The following SPRED1 variants were observed in gnomAD, a reference collection of about 807,000 sequenced individuals.
SPRED1 encodes the protein sprouty related EVH1 domain containing 1.
In SPRED1, 18 loss-of-function variants were observed where a neutral mutation model predicts 52.3. The ratio of observed to expected loss-of-function variants is 0.34; its 90% confidence interval spans 0.24 to 0.51. The LOEUF is 0.51. SPRED1 is among the 20% of genes least tolerant of loss of function. SPRED1 has a pLI of 0.97. For missense variants in SPRED1, 485 were observed against 551.0 expected, an observed-to-expected ratio of 0.88 and a Z score of 1.20; for synonymous variants, 155 against 179.7, an observed-to-expected ratio of 0.86 and a Z score of 1.10.
intron 4 of SPRED1, among the ~76,000 whole-genome samples, chr15:38,332,218 G>A (rs550890501): frequency 6.6e-6 from 1 of 152,236 alleles, no homozygotes; most frequent in South Asian, 2.1e-4. Context: ...ATTCCATGGG[G>A]GTAGGATTAT....
chr15:38,331,727 C>T (rs1895811247), intron 4 of SPRED1, among the ~76,000 whole-genome samples: 1 of 151,910 alleles, frequency 6.6e-6, no homozygotes, highest in South Asian at 2.1e-4. Context: ...AGCAGTAAGG[C>T]CCAGTGTGGG....
At chr15:38,307,479 C>T in intron 2 of SPRED1, among the ~76,000 whole-genome samples, 1 of 152,128 alleles carries the variant, frequency 6.6e-6, no homozygotes, top group East Asian at 1.9e-4. Flanking sequence ...GTGTTTCTTC[C>T]TCTTATAAAA....
At chr15:38,342,439 CAGTT>C (rs373812751) in intron 5 of SPRED1, among the ~76,000 whole-genome samples, 57 of 152,092 alleles carry the variant, frequency 3.7e-4, no homozygotes, top group African/African-American at 1.2e-3. Context: ...CTATTTTAAA[CAGTT>C]AGCATTCATT....
chr15:38,278,307 C>A (rs535433158), intron 1 of SPRED1, among the ~76,000 whole-genome samples: 1 of 152,196 alleles, frequency 6.6e-6, no homozygotes, highest in Admixed American at 6.5e-5. Flanking sequence ...TAAGATGAAA[C>A]CCTGTCTCTA....
intron 3 of SPRED1, 98 bp downstream of exon 3, chr15:38,322,507 C>T: frequency 1.6e-6 from 2 of 1,253,214 alleles, no homozygotes; most frequent in Non-Finnish European, 2.3e-6. Context: ...CACACTTTAA[C>T]CATGTCAGCT....
At chr15:38,346,864 A>G (rs1049794011) in intron 5 of SPRED1, among the ~76,000 whole-genome samples, 4 of 152,188 alleles carry the variant, frequency 2.6e-5, no homozygotes, top group Admixed American at 2.0e-4. Context: ...TGAGTATTTG[A>G]AAGACTTCGG....
chr15:38,279,612 G>A (rs1165611965), intron 1 of SPRED1, among the ~76,000 whole-genome samples: 1 of 152,182 alleles, frequency 6.6e-6, no homozygotes. Flanking sequence ...TACCAGTTAT[G>A]TGGTTCTGGA....
chr15:38,347,889 T>A lies in SPRED1; in HGVS notation c.583-1533T>A, dbSNP rs1896175141. Among the ~76,000 whole-genome samples the A allele has an allele frequency of 2.0e-5, 3 of 152,030 alleles. No individual in the cohort carries two copies. In the South Asian group the frequency reaches 6.2e-4, roughly 32 times the overall value. On this transcript the variant is annotated intron_variant, in intron 5 of 6. Transcript: ENST00000299084. ...ATTAAAAAGCAGAAATTAATTGGGGTGTATCTTATCACATCTGTTTTTAGT... is the reference window on the plus strand; with the variant it reads ...ATTAAAAAGCAGAAATTAATTGGGGAGTATCTTATCACATCTGTTTTTAGT...
At chr15:38,310,490 C>T (rs1895345293) in intron 2 of SPRED1, among the ~76,000 whole-genome samples, 1 of 152,084 alleles carries the variant, frequency 6.6e-6, no homozygotes, top group African/African-American at 2.4e-5. Flanking sequence ...TTACTGAAAC[C>T]TTACTGGGGT....
chr15:38,325,873 C>A (rs1433569694), intron 4 of SPRED1: 1 of 151,942 alleles, frequency 6.6e-6, no homozygotes, highest in African/African-American at 2.4e-5. Context: ...AATTCCTGGT[C>A]AACAGGAATT....
At chr15:38,338,747 G>A (rs1038530837) in intron 4 of SPRED1, among the ~76,000 whole-genome samples, 1 of 152,052 alleles carries the variant, frequency 6.6e-6, no homozygotes, top group Non-Finnish European at 1.5e-5. Flanking sequence ...GAAATTGAAT[G>A]CCAAAGGAAT....
intron 2 of SPRED1, among the ~76,000 whole-genome samples, chr15:38,312,408 C>T (rs1051870221): frequency 9.9e-5 from 15 of 152,154 alleles, no homozygotes; most frequent in African/African-American, 1.7e-4. Context: ...AGCCTGTGCC[C>T]GATTGTTTTT....
chr15:38,328,724 TTTTG>T (rs1895756614), intron 4 of SPRED1, among the ~76,000 whole-genome samples: 2 of 152,176 alleles, frequency 1.3e-5, no homozygotes, highest in African/African-American at 2.4e-5. Context: ...CTTTTGGTTT[TTTTG>T]TTTGTTTTTG....
chr15:38,321,933 A>G (rs2085933322), intron 2 of SPRED1, among the ~76,000 whole-genome samples: 1 of 151,740 alleles, frequency 6.6e-6, no homozygotes, highest in Non-Finnish European at 1.5e-5. Context: ...ATTATTACCA[A>G]CCCCCTGCCT....
intron 2 of SPRED1, among the ~76,000 whole-genome samples, chr15:38,312,152 A>G (rs897824853): frequency 4.6e-5 from 7 of 151,810 alleles, no homozygotes; most frequent in African/African-American, 1.7e-4. Context: ...ATGTTTTTGG[A>G]TATTTTTGTG....
At chr15:38,337,551 A>C (rs1340389837) in intron 4 of SPRED1, among the ~76,000 whole-genome samples, 1 of 152,124 alleles carries the variant, frequency 6.6e-6, no homozygotes, top group Admixed American at 6.5e-5. Context: ...TTGTTACTTA[A>C]ATATTACACA....
chr15:38,308,364 T>C (rs745760944), intron 2 of SPRED1, among the ~76,000 whole-genome samples: 1 of 152,222 alleles, frequency 6.6e-6, no homozygotes. Context: ...ATTTCCTCAG[T>C]TACTTGTATT....
intron 1 of SPRED1, among the ~76,000 whole-genome samples, chr15:38,257,972 G>A (rs1366847387): frequency 6.6e-6 from 1 of 152,216 alleles, no homozygotes; most frequent in Non-Finnish European, 1.5e-5. Context: ...GATTGGTAAA[G>A]ACAAGCCTGC....
At chr15:38,268,658 A>G (rs1034335174) in intron 1 of SPRED1, among the ~76,000 whole-genome samples, 12 of 152,222 alleles carry the variant, frequency 7.9e-5, no homozygotes, top group African/African-American at 2.7e-4. Flanking sequence ...TCATTTAAAA[A>G]GATATTGTTA....
Sources: allele counts gnomAD v4.1 joint callset (sites outside exome capture counted in the v4.1 genomes callset), GRCh38; gene constraint gnomAD v4.1.1; transcripts MANE v1.5; gene names NCBI Gene and HGNC (gene_info 2026-07-23, HGNC 2026-07-21).